XPNPEP3: variants seen among roughly 807,000 people sequenced by gnomAD.
XPNPEP3 encodes the protein X-prolyl aminopeptidase 3.
Under a neutral mutation model 60.0 loss-of-function variants are expected in XPNPEP3, and 41 were observed. That is an observed-to-expected ratio of 0.68 (90% confidence interval 0.53 to 0.89). The LOEUF (loss-of-function observed/expected upper bound fraction) is 0.89, where lower values mean the gene tolerates loss of function less well. Among genes scored for constraint, XPNPEP3 ranks in the 40% least tolerant of loss-of-function variants. XPNPEP3 has a pLI of 0.00. For synonymous variants in XPNPEP3, 212 were observed against 223.2 expected (o/e 0.95, Z 0.45); for missense variants, 598 against 638.9 (o/e 0.94, Z 0.69).
chr22:40,880,715 C>A (rs1423169549), intron 2 of XPNPEP3, among the ~76,000 whole-genome samples: 1 of 150,920 alleles, frequency 6.6e-6, no homozygotes, highest in Non-Finnish European at 1.5e-5. Flanking sequence ...GTAACCCCAG[C>A]ACTTTGGGAG....
At chr22:40,891,460 C>T (rs1040487508) in intron 4 of XPNPEP3, among the ~76,000 whole-genome samples, 8 of 151,698 alleles carry the variant, frequency 5.3e-5, no homozygotes, top group Middle Eastern at 3.2e-3. Flanking sequence ...CGAGACCAGC[C>T]TGGCCTATAT....
At chr22:40,894,110 C>T (rs2058099088) in intron 4 of XPNPEP3, among the ~76,000 whole-genome samples, 1 of 152,100 alleles carries the variant, frequency 6.6e-6, no homozygotes, top group Admixed American at 6.6e-5. Context: ...GAGTTAGAAG[C>T]TATAGTAGAC....
chr22:40,878,986 C>T (rs865952532), intron 2 of XPNPEP3, among the ~76,000 whole-genome samples: 2 of 152,118 alleles, frequency 1.3e-5, no homozygotes, highest in Admixed American at 6.6e-5. Flanking sequence ...AAGGAAAGGT[C>T]GGATAATTCA....
chr22:40,865,449 C>T (rs1020920900), intron 1 of XPNPEP3, among the ~76,000 whole-genome samples: 13 of 151,814 alleles, frequency 8.6e-5, no homozygotes, highest in Non-Finnish European at 1.9e-4. Flanking sequence ...CTGCTTCAGC[C>T]TCCCGAGTAG....
At chr22:40,907,512 C>T in intron 4 of XPNPEP3, 75 bp from the exon 5 acceptor site, 2 of 1,438,602 alleles carry the variant, frequency 1.4e-6, no homozygotes, top group Non-Finnish European at 2.0e-6. Context: ...TTCATTTGAG[C>T]TCCAGTATTT....
At chr22:40,913,937 G>T (rs2058185670) in intron 6 of XPNPEP3, among the ~76,000 whole-genome samples, 1 of 152,090 alleles carries the variant, frequency 6.6e-6, no homozygotes, top group Non-Finnish European at 1.5e-5. Flanking sequence ...CTGAGGTTGG[G>T]AGTTTGAGAC....
intron 2 of XPNPEP3, among the ~76,000 whole-genome samples, chr22:40,869,658 A>C (rs1427943120): frequency 6.6e-6 from 1 of 152,242 alleles, no homozygotes; most frequent in Non-Finnish European, 1.5e-5. Context: ...GATGCAAAAA[A>C]ATGATAAAGG....
At chr22:40,920,874 C>T (rs907423251) in intron 7 of XPNPEP3, among the ~76,000 whole-genome samples, 7 of 152,156 alleles carry the variant, frequency 4.6e-5, no homozygotes, top group Non-Finnish European at 8.8e-5. Flanking sequence ...CTCACCACAA[C>T]CTTCGCCTCC....
At chr22:40,864,716 A>G (rs1033987707) in intron 1 of XPNPEP3, among the ~76,000 whole-genome samples, 3 of 152,170 alleles carry the variant, frequency 2.0e-5, no homozygotes, top group African/African-American at 4.8e-5. Flanking sequence ...AAGCGCTGGG[A>G]TTACAGGCAT....
At chr22:40,869,577 A>G (rs1484833266) in intron 2 of XPNPEP3, among the ~76,000 whole-genome samples, 1 of 152,218 alleles carries the variant, frequency 6.6e-6, no homozygotes, top group Non-Finnish European at 1.5e-5. Flanking sequence ...ACCTATTTCT[A>G]TATAGATTAA....
chr22:40,860,763 C>T, intron 1 of XPNPEP3: 1 of 730,814 alleles, frequency 1.4e-6, no homozygotes, highest in South Asian at 2.0e-5. Context: ...AGCAGTCTTT[C>T]TACCAGCTTC....
At chr22:40,909,835 T>C (rs1007815331) in intron 6 of XPNPEP3, among the ~76,000 whole-genome samples, 1 of 151,696 alleles carries the variant, frequency 6.6e-6, no homozygotes, top group East Asian at 1.9e-4. Context: ...TAAAACAACA[T>C]ATTAGTGCAG....
At chr22:40,895,385 G>C (rs2058104005) in intron 4 of XPNPEP3, among the ~76,000 whole-genome samples, 1 of 151,594 alleles carries the variant, frequency 6.6e-6, no homozygotes, top group African/African-American at 2.4e-5. Flanking sequence ...GCCCAGGCTG[G>C]AGTGCAATGG....
At chr22:40,880,113 A>G (rs1195753218) in intron 2 of XPNPEP3, among the ~76,000 whole-genome samples, 1 of 152,026 alleles carries the variant, frequency 6.6e-6, no homozygotes, top group Non-Finnish European at 1.5e-5. Context: ...TCTTTGACCA[A>G]GCCGTTTTTC....
At chr22:40,858,856 C>T (rs144239405) in intron 1 of XPNPEP3, among the ~76,000 whole-genome samples, 1 of 152,250 alleles carries the variant, frequency 6.6e-6, no homozygotes, top group East Asian at 1.9e-4. Context: ...GAAAGATGTT[C>T]TCAAACAAAA....
Position 40,924,389 on chromosome 22 carries a change from G to A in XPNPEP3, c.1264G>A (p.Val422Ile). The A allele has an allele frequency of 6.2e-7, 1 of 1,614,138 alleles. No homozygotes were observed. Among genetic ancestry groups the A allele is most frequent in the South Asian group, 1.1e-5 (1 of 91,086 alleles). The part of the protein sequence containing the change: ...KAARKYCPHH[V>I]GHYLGMDVHD... ...TGCTCGAAAATACTGTCCTCATCAT[G>A]TTGGCCACTACCTCGGGATGGATGT... Residue 422 changes from valine to isoleucine, a missense_variant, in exon 9 of 10, where the codon GTT becomes ATT. Val to Ile is a conservative substitution (Grantham distance 29). Coordinates refer to ENST00000357137, the MANE Select transcript of XPNPEP3 (RefSeq NM_022098.4).
intron 2 of XPNPEP3, among the ~76,000 whole-genome samples, chr22:40,871,967 A>G (rs971683017): frequency 6.6e-6 from 1 of 152,228 alleles, no homozygotes; most frequent in Non-Finnish European, 1.5e-5. Flanking sequence ...TGGGAGGCAG[A>G]GGTTGCAGTG....
At chr22:40,879,049 T>A (rs1032312984) in intron 2 of XPNPEP3, among the ~76,000 whole-genome samples, 1 of 152,188 alleles carries the variant, frequency 6.6e-6, no homozygotes, top group Non-Finnish European at 1.5e-5. Flanking sequence ...TTGAGTAAAT[T>A]AGGAAATTTT....
At chr22:40,896,693 A>G (rs2058109553) in intron 4 of XPNPEP3, among the ~76,000 whole-genome samples, 1 of 152,152 alleles carries the variant, frequency 6.6e-6, no homozygotes, top group Non-Finnish European at 1.5e-5. Flanking sequence ...TGGCTAAAAT[A>G]GAAATTCAAT....
Sources: allele counts gnomAD v4.1 joint callset (sites outside exome capture counted in the v4.1 genomes callset), GRCh38; gene constraint gnomAD v4.1.1; transcripts MANE v1.5; gene names NCBI Gene and HGNC (gene_info 2026-07-23, HGNC 2026-07-21).